The following CNTN5 variants were observed in gnomAD, a reference collection of about 807,000 sequenced individuals.
The protein encoded by CNTN5 is contactin-5.
In CNTN5, 77 loss-of-function variants were observed where a neutral mutation model predicts 129.1. The ratio of observed to expected loss-of-function variants is 0.60; its 90% CI spans 0.50 to 0.72. The LOEUF is 0.72. CNTN5 is among the 30% of genes least tolerant of loss of function. The pLI, the probability that CNTN5 is intolerant of heterozygous loss-of-function variation, is 0.00. For synonymous variants in CNTN5, 509 were observed against 465.6 expected (o/e 1.09, Z -1.20); for missense variants, 1,478 against 1,328.8 (o/e 1.11, Z -1.75).
intron 13 of CNTN5, among the ~76,000 whole-genome samples, chr11:100,168,809 G>C (rs1947733846): frequency 6.6e-6 from 1 of 151,924 alleles, no homozygotes; most frequent in Admixed American, 6.6e-5. Context: ...TCTGGGCAAA[G>C]TAAATTAAAA....
At chr11:100,008,135 T>C (rs932562142) in intron 9 of CNTN5, among the ~76,000 whole-genome samples, 2 of 152,016 alleles carry the variant, frequency 1.3e-5, no homozygotes, top group African/African-American at 4.8e-5. Flanking sequence ...AATAATAACA[T>C]TGAAAGATGA....
chr11:99,732,200 A>C (rs1026262286), intron 3 of CNTN5, among the ~76,000 whole-genome samples: 59 of 151,948 alleles, frequency 3.9e-4, no homozygotes, highest in Admixed American at 2.1e-3. Flanking sequence ...GAAAGAAAGG[A>C]GATAGTGAAT....
At chr11:99,578,348 ATGGGATAGT>A (rs1166122259) in intron 3 of CNTN5, among the ~76,000 whole-genome samples, 1 of 150,808 alleles carries the variant, frequency 6.6e-6, no homozygotes, top group African/African-American at 2.4e-5. Context: ...ATACCCAGTA[ATGGGATAGT>A]TGGGTCAAAT....
chr11:99,454,198 G>A (rs1010934507), intron 2 of CNTN5, among the ~76,000 whole-genome samples: 1 of 151,906 alleles, frequency 6.6e-6, no homozygotes, highest in Non-Finnish European at 1.5e-5. Context: ...AGGAGGGGAG[G>A]AGAAAAACAA....
chr11:100,068,487 A>G (rs565202135), intron 10 of CNTN5, among the ~76,000 whole-genome samples: 1 of 152,304 alleles, frequency 6.6e-6, no homozygotes, highest in Admixed American at 6.5e-5. Context: ...TGCTTGGGAG[A>G]TAACACACCA....
chr11:99,909,992 C>G (rs756963557), intron 6 of CNTN5, among the ~76,000 whole-genome samples: 2 of 151,998 alleles, frequency 1.3e-5, no homozygotes, highest in Non-Finnish European at 2.9e-5. Flanking sequence ...AGCATTATAT[C>G]ATGTGGTGTA....
chr11:99,302,935 C>G, intron 1 of CNTN5, among the ~76,000 whole-genome samples: 1 of 151,186 alleles, frequency 6.6e-6, no homozygotes, highest in Non-Finnish European at 1.5e-5. Flanking sequence ...TTTAATATAG[C>G]TTATACATAT....
At chr11:99,636,344 TAG>T (rs1486784688) in intron 3 of CNTN5, among the ~76,000 whole-genome samples, 17 of 151,562 alleles carry the variant, frequency 1.1e-4, no homozygotes, top group African/African-American at 4.1e-4. Flanking sequence ...GACATGAGCA[TAG>T]AGGAAAGTTG....
chr11:99,704,826 G>A (rs939614435), intron 3 of CNTN5, among the ~76,000 whole-genome samples: 1 of 151,256 alleles, frequency 6.6e-6, no homozygotes, highest in Non-Finnish European at 1.5e-5. Flanking sequence ...TTATCCCCAA[G>A]TGAAGAATTT....
chr11:99,073,373 G>GTTTTTTTTTTTTTTTTTT (rs1491116506), intron 1 of CNTN5, among the ~76,000 whole-genome samples: 2 of 87,328 alleles, frequency 2.3e-5, no homozygotes, highest in East Asian at 6.1e-4. Context: ...TTTATGGTTT[G>GTTTTTTTTTTTTTTTTTT]GTTTTTTTTT....
chr11:99,928,544 C>T (rs376907801), intron 7 of CNTN5, among the ~76,000 whole-genome samples: 1 of 152,194 alleles, frequency 6.6e-6, no homozygotes, highest in Non-Finnish European at 1.5e-5. Context: ...TGGAAGATGC[C>T]AAAGTGTGGG....
intron 1 of CNTN5, among the ~76,000 whole-genome samples, chr11:99,147,221 C>T (rs1469436101): frequency 1.3e-5 from 2 of 152,094 alleles, no homozygotes; most frequent in Non-Finnish European, 2.9e-5. Flanking sequence ...TTTCTTTTTA[C>T]TTTCATGTAA....
chr11:100,144,461 A>G (rs540457747), intron 13 of CNTN5, among the ~76,000 whole-genome samples: 215 of 152,220 alleles, frequency 1.4e-3, no homozygotes, highest in African/African-American at 5.0e-3. Flanking sequence ...ACCTACGAGA[A>G]CATGTGGTAT....
chr11:99,741,030 C>T (rs1051587455), intron 3 of CNTN5, among the ~76,000 whole-genome samples: 6 of 152,224 alleles, frequency 3.9e-5, no homozygotes, highest in Admixed American at 1.3e-4. Flanking sequence ...TTTCTAGAAA[C>T]ACTTTAGCTC....
intron 3 of CNTN5, among the ~76,000 whole-genome samples, chr11:99,788,058 T>C (rs1945600665): frequency 6.6e-6 from 1 of 151,992 alleles, no homozygotes; most frequent in Non-Finnish European, 1.5e-5. Flanking sequence ...ACCCCTCACA[T>C]TCATGATCAA....
chr11:99,407,860 A>G (rs1033677473), intron 2 of CNTN5, among the ~76,000 whole-genome samples: 1 of 152,160 alleles, frequency 6.6e-6, no homozygotes, highest in South Asian at 2.1e-4. Context: ...CACTGAGTTC[A>G]GTGCCTCATA....
chr11:100,280,869 C>G (rs774204479), intron 18 of CNTN5, among the ~76,000 whole-genome samples: 6 of 151,936 alleles, frequency 3.9e-5, no homozygotes, highest in Non-Finnish European at 7.4e-5. Context: ...GAGGTTACCA[C>G]GAGGTTTGCA....
In CNTN5 at chr11:99,554,917, A is replaced by G. The variant is rs566370993; in HGVS notation, c.-70-1228A>G. Among the ~76,000 whole-genome samples, 9 of 152,196 alleles carry G rather than the reference A, an allele frequency of 5.9e-5. No homozygotes were observed. The South Asian group carries it at 1.7e-3, about 28-fold the overall frequency. On this transcript the variant is annotated intron_variant, in intron 2 of 24. Transcript: ENST00000524871. ...TTATATGTATATCTGATATTTACTC[A>G]TAAAATACAGAAAATGATGAAAAAA...
At chr11:99,728,554 C>G (rs1048025215) in intron 3 of CNTN5, among the ~76,000 whole-genome samples, 2 of 152,162 alleles carry the variant, frequency 1.3e-5, no homozygotes, top group Admixed American at 6.5e-5. Context: ...AGATAACGAT[C>G]TGCTGTCAAA....
Sources: allele counts gnomAD v4.1 joint callset (sites outside exome capture counted in the v4.1 genomes callset), GRCh38; gene constraint gnomAD v4.1.1; transcripts MANE v1.5; gene names NCBI Gene and HGNC (gene_info 2026-07-23, HGNC 2026-07-21).